Variants in SREK1 observed in about 807,000 individuals in gnomAD.
The protein encoded by SREK1 is splicing regulatory glutamine/lysine-rich protein 1.
In SREK1, 13 loss-of-function variants were observed where a neutral mutation model predicts 66.5. The observed-to-expected ratio is 0.20, with a 90% CI of 0.13 to 0.31. SREK1 has a LOEUF of 0.31. SREK1 is among the 10% of genes least tolerant of loss of function. The probability of loss-of-function intolerance (pLI) is 1.00; values close to 1 mark genes in which losing one functional copy is unlikely to be tolerated. For synonymous variants in SREK1, 265 were observed against 263.5 expected, an observed-to-expected ratio of 1.01 and a Z score of -0.05; for missense variants, 607 against 769.6, an observed-to-expected ratio of 0.79 and a Z score of 2.50.
chr5:66,165,169 A>C, intron 7 of SREK1: 1 of 263,532 alleles, frequency 3.8e-6, no homozygotes, highest in Non-Finnish European at 7.2e-6. Flanking sequence ...TTTTTCTAAG[A>C]GTAAACTAGT....
At chr5:66,155,966 C>T in intron 2 of SREK1, 1 of 1,498,714 alleles carries the variant, frequency 6.7e-7, no homozygotes. Flanking sequence ...TCAGCCTAAT[C>T]ATCAGTCATA....
rs776135795 is a variant in SREK1 at position 66,162,105 on chromosome 5, A to T, written c.412-4A>T. 1.2e-6 allele frequency: 2 copies of T among 1,606,016 alleles called. No homozygotes were observed. The highest frequency in any genetic ancestry group is 1.7e-5 in the Admixed American group (1 of 58,082). On this transcript the variant is annotated splice_polypyrimidine_tract_variant and splice_region_variant and intron_variant, in intron 3 of 11. Transcript: ENST00000334121. ...TCTGTGTGTTTTTTTTCTTCTTTCG[A>T]TAGCTTGGTGTTTCACTTAGCAGTT...
chr5:66,172,615 T>G (rs1434290490), intron 9 of SREK1, among the ~76,000 whole-genome samples: 1 of 152,036 alleles, frequency 6.6e-6, no homozygotes, highest in Non-Finnish European at 1.5e-5. Context: ...AGGTTGATCT[T>G]GAACTCCTGG....
intron 7 of SREK1, chr5:66,166,557 A>C (rs1292477793): frequency 6.6e-6 from 1 of 151,494 alleles, no homozygotes; most frequent in Non-Finnish European, 1.5e-5. Flanking sequence ...TGCAACCTCC[A>C]CCTCCCAGGC....
At chr5:66,144,740 C>A in intron 1 of SREK1, 1 of 1,263,812 alleles carries the variant, frequency 7.9e-7, no homozygotes, top group Non-Finnish European at 1.0e-6. Context: ...AACTACTGCA[C>A]GGAGCCCTTA....
At chr5:66,159,377 C>A in intron 3 of SREK1, 43 bp downstream of exon 3, 1 of 1,493,018 alleles carries the variant, frequency 6.7e-7, no homozygotes, top group Non-Finnish European at 9.1e-7. Context: ...GAATGTTCAA[C>A]TGTGTGACCA....
chr5:66,170,302 CT>C, intron 8 of SREK1, 132 bp downstream of exon 8: 4 of 1,228,578 alleles, frequency 3.3e-6, no homozygotes, highest in Non-Finnish European at 3.3e-6. Flanking sequence ...GAAATTAAAC[CT>C]TTTTTATTGT....
chr5:66,144,651 C>T (rs1383282713), intron 1 of SREK1, 114 bp downstream of exon 1: 15 of 1,424,322 alleles, frequency 1.1e-5, no homozygotes, highest in East Asian at 1.0e-4. Flanking sequence ...GTGATCGCGC[C>T]GGCTTACCTT....
chr5:66,174,541 ACAGTGGGG>A (rs1352867415), intron 9 of SREK1: 1 of 153,990 alleles, frequency 6.5e-6, no homozygotes, highest in African/African-American at 2.4e-5. Context: ...GTTATAATCC[ACAGTGGGG>A]CAGCAAGGAG....
Position 66,180,912 on chromosome 5 carries a change from A to G in SREK1, c.*2044A>G, listed in dbSNP as rs992802281. 3 of 152,554 alleles carry G rather than the reference A, an allele frequency of 2.0e-5. No homozygotes were observed. The East Asian group carries it at 5.8e-4, about 29-fold the overall frequency. The allele number at this position is 152,554 out of a possible 1,614,324, so 9.5% of individuals were successfully genotyped here. A position where few individuals can be genotyped will look rare whatever the true frequency, so the allele number is the denominator to read the frequency against. ...AATGTTTGTTTATGCATTTCAAAAA[A>G]GCATTTTAGTTTTATCCTGCTCATT... On this transcript the variant is annotated 3_prime_UTR_variant, in exon 12 of 12. Transcript: ENST00000334121.
chr5:66,170,261 AAAT>A, intron 8 of SREK1, 91 bp downstream of exon 8: 1 of 1,453,024 alleles, frequency 6.9e-7, no homozygotes, highest in South Asian at 1.5e-5. Flanking sequence ...CATTTGTTAA[AAAT>A]CTGTTGTGGT....
At position 66,162,533 on chromosome 5, in the gene SREK1, A is replaced by G; in HGVS notation, c.696A>G (p.Gln232=). Residue 232 remains glutamine (Q), a synonymous_variant, in exon 5 of 12, where the codon CAA becomes CAG. Transcript: ENST00000334121. The part of the protein sequence containing the change: ...TRFAFVEFAD[Q]NSVPRALAFN... ...TTGCTTTTGTGGAATTTGCAGACCA[A>G]AATTCTGTACCAAGGGCCCTTGCTT... The G allele has an allele frequency of 1.2e-6, 2 of 1,614,138 alleles. No individual in the cohort carries two copies. The highest frequency in any genetic ancestry group is 1.7e-6 in the Non-Finnish European group (2 of 1,179,976).
At chr5:66,178,678 TGAG>T (rs781186069) in intron 11 of SREK1, 38 bp from the exon 12 acceptor site, 1 of 1,494,382 alleles carries the variant, frequency 6.7e-7, no homozygotes, top group African/African-American at 1.4e-5. Flanking sequence ...AGGCAGTTCT[TGAG>T]GAAAATATTA....
At chr5:66,146,735 A>C (rs567024708) in intron 1 of SREK1, among the ~76,000 whole-genome samples, 9 of 152,334 alleles carry the variant, frequency 5.9e-5, no homozygotes, top group African/African-American at 1.7e-4. Context: ...AAATGGATAC[A>C]AAATGCAATA....
chr5:66,153,663 C>G (rs1744037074), intron 2 of SREK1, 67 bp downstream of exon 2: 4 of 1,600,842 alleles, frequency 2.5e-6, no homozygotes, highest in Non-Finnish European at 3.4e-6. Flanking sequence ...TTTAGCTTTC[C>G]TAGAGATTGG....
chr5:66,181,427 T>A lies in SREK1; in HGVS notation c.*2559T>A, dbSNP rs922919192. The stretch of plus-strand genomic sequence containing the variant: ...GTATTTTGTTTTTTTCTTTAAGACT[T>A]CTTTTTTTAAATCCCAGGTAGATGT... On this transcript the variant is annotated 3_prime_UTR_variant, in exon 12 of 12. Transcript: ENST00000334121. 6.7e-6 allele frequency: 1 copy of A among 149,656 alleles called. No homozygotes were observed. Among genetic ancestry groups the A allele is most frequent in the Non-Finnish European group, 1.5e-5 (1 of 68,016 alleles). The allele number at this position is 149,656 out of a possible 1,614,324, so 9.3% of individuals were successfully genotyped here.
At chr5:66,147,031 T>C (rs1049866579) in intron 1 of SREK1, among the ~76,000 whole-genome samples, 10 of 152,064 alleles carry the variant, frequency 6.6e-5, no homozygotes, top group Non-Finnish European at 1.5e-5. Context: ...CCAACCTGAG[T>C]AACATATTGA....
In SREK1 at chr5:66,175,003, C is replaced by T. The variant is rs1745940151; in HGVS notation, c.1542C>T (p.Thr514=). The T allele has an allele frequency of 6.2e-7, 1 of 1,612,246 alleles. No individual in the cohort carries two copies. Among genetic ancestry groups the T allele is most frequent in the Admixed American group, 1.7e-5 (1 of 59,900 alleles). The part of the protein sequence containing the change: ...SSSRSPRTSK[T]IKRKSSRSPS... ...CCAGATCGCCAAGAACATCAAAAAC[C>T]ATAAAAAGGAAATCTTCTAGATCTC... The change falls in exon 10 of 12, where the codon ACC becomes ACT. Residue 514 remains threonine, a synonymous_variant. Transcript: ENST00000334121.
chr5:66,159,320 A>T lies in SREK1; in HGVS notation c.397A>T (p.Asn133Tyr), dbSNP rs778862586. ...GAGLLPIPTPNPLTTLGVSLS... is the reference protein window; with the variant it reads ...GAGLLPIPTPYPLTTLGVSLS... ...AGGATTGCTTCCAATACCGACCCCA[A>T]ATCCTTTGACTACTGTAAGTACTAT... The change falls in exon 3 of 12, where the codon AAT becomes TAT. Residue 133 changes from asparagine (N) to tyrosine (Y), a missense_variant. Asn to Tyr is a moderately radical substitution (Grantham distance 143). This residue lies in a region of SREK1 where 99 missense variants were observed against 186.6 expected (regional missense o/e 0.53). Coordinates refer to ENST00000334121, the MANE Select transcript of SREK1 (RefSeq NM_001077199.3). The T allele has an allele frequency of 3.1e-6, 5 of 1,611,336 alleles. No individual in the cohort carries two copies. Among genetic ancestry groups the T allele is most frequent in the Admixed American group, 3.4e-5 (2 of 59,442 alleles).
Sources: allele counts gnomAD v4.1 joint callset (sites outside exome capture counted in the v4.1 genomes callset), GRCh38; gene constraint gnomAD v4.1.1; regional missense constraint gnomAD v4.1.1; transcripts MANE v1.5; gene names NCBI Gene and HGNC (gene_info 2026-07-23, HGNC 2026-07-21).